Variants in OR6C70 observed in about 807,000 individuals in gnomAD.
OR6C70 encodes the protein olfactory receptor family 6 subfamily C member 70.
For synonymous variants in OR6C70, 157 were observed against 130.8 expected, an observed-to-expected ratio of 1.20 and a Z score of -1.36; for missense variants, 437 against 357.5, an observed-to-expected ratio of 1.22 and a Z score of -1.79.
At position 55,469,754 on chromosome 12, in the gene OR6C70, G is replaced by A. The variant is rs141132100; in HGVS notation, c.385C>T (p.Arg129Cys). The change falls in exon 1 of 1, where the codon CGT becomes TGT. Residue 129 changes from arginine (R) to cysteine (C), a missense_variant. By Grantham distance (180) the Arg-to-Cys change is radical. Coordinates refer to ENST00000327335, the MANE Select transcript of OR6C70 (RefSeq NM_001005499.1). ...TTGTTACTCATGATGGACATATAACGCAAAGGTTTGCAGATGGCAACATAG... is the reference window on the plus strand; with the variant it reads ...TTGTTACTCATGATGGACATATAACACAAAGGTTTGCAGATGGCAACATAG... ...DRYVAICKPL[R>C]YMSIMSNKVC... The A allele has an allele frequency of 1.5e-4, 236 of 1,614,026 alleles. No homozygotes were observed. Among genetic ancestry groups the A allele is most frequent in the South Asian group, 4.5e-4 (41 of 91,076 alleles).
rs747055169 is a variant in OR6C70 at position 55,469,205 on chromosome 12, T to G, written c.934A>C (p.Lys312Gln). Residue 312 changes from lysine (K) to glutamine (Q), a missense_variant, in exon 1 of 1, where the codon AAG becomes CAG. Transcript: ENST00000327335. ...VFRKIFSASD[K>Q] Reference sequence around the variant, plus strand: ...AATTATTTCAACAAGTTGTATTACTTGTCTGAAGCAGAAAATATCTTTCTA... The same window carrying G: ...AATTATTTCAACAAGTTGTATTACTGGTCTGAAGCAGAAAATATCTTTCTA... 5 of 1,579,758 alleles carry G rather than the reference T, an allele frequency of 3.2e-6. No individual in the cohort carries two copies. The African/African-American group carries it at 6.8e-5, about 21-fold the overall frequency.
In OR6C70 at chr12:55,470,018, A is replaced by G; in HGVS notation, c.121T>C (p.Phe41Leu). 3 of 1,613,970 alleles carry G rather than the reference A, an allele frequency of 1.9e-6. No individual in the cohort carries two copies. The highest frequency in any genetic ancestry group is 2.5e-6 in the Non-Finnish European group (3 of 1,179,846). The part of the protein sequence containing the change: ...LNCVLSMIGN[F>L]TIIALILLDS... Reference sequence around the variant, plus strand: ...AGCAGAATGAGGGCAATGATAGTGAAGTTCCCTATCATGCTCAACACACAA... The same window carrying G: ...AGCAGAATGAGGGCAATGATAGTGAGGTTCCCTATCATGCTCAACACACAA... Residue 41 changes from phenylalanine to leucine, a missense_variant, in exon 1 of 1, where the codon TTC becomes CTC. Transcript: ENST00000327335.
In OR6C70 at chr12:55,469,371, G is replaced by A. The variant is rs1871890965; in HGVS notation, c.768C>T (p.Ile256=). Residue 256 remains isoleucine (I), a synonymous_variant, in exon 1 of 1, where the codon ATC becomes ATT. Transcript: ENST00000327335. ...TTTCATTCGCTGATGGCTTTATGTA[G>A]ATAAACATACAACTACCATAAGTGA... ...VSITYGSCMF[I]YIKPSANERV... is the part of the protein sequence containing the mutation. 6.2e-7 allele frequency: 1 copy of A among 1,613,920 alleles called. No homozygotes were observed. The highest frequency in any genetic ancestry group is 8.5e-7 in the Non-Finnish European group (1 of 1,179,896).
chr12:55,470,104 A>G lies in OR6C70; in HGVS notation c.35T>C (p.Leu12Pro). 1 of 1,604,414 alleles carries G rather than the reference A, an allele frequency of 6.2e-7. No homozygotes were observed. The highest frequency in any genetic ancestry group is 8.5e-7 in the Non-Finnish European group (1 of 1,175,232). Reference protein sequence around the residue: ...KNHTRQIEFILLGLTDNSQLQ... With the variant: ...KNHTRQIEFIPLGLTDNSQLQ... ...CTGAGAATTATCCGTCAGTCCCAGAAGAATAAATTCTATCTGCCTTGTATG... is the reference window on the plus strand; with the variant it reads ...CTGAGAATTATCCGTCAGTCCCAGAGGAATAAATTCTATCTGCCTTGTATG... Residue 12 changes from leucine to proline, a missense_variant, in exon 1 of 1, where the codon CTT (leucine) becomes CCT (proline). Physicochemically the swap from Leu to Pro is moderately conservative, Grantham distance 98. Transcript: ENST00000327335.
Position 55,469,598 on chromosome 12 carries a change from G to C in OR6C70, c.541C>G (p.Leu181Val), listed in dbSNP as rs375271811. 4.3e-6 allele frequency: 7 copies of C among 1,613,770 alleles called. No homozygotes were observed. In the Middle Eastern group the frequency reaches 5.0e-4, roughly 114 times the overall value. Residue 181 changes from leucine to valine, a missense_variant, in exon 1 of 1, where the codon CTT (leucine) becomes GTT (valine). Leu to Val is a conservative substitution (Grantham distance 32, BLOSUM62 1). Transcript: ENST00000327335. ...TCTGAGCAAGAAAGTTGTAGGATAA[G>C]AGAAATGTCACAAATGAAATGATCA... is the stretch of plus-strand genomic sequence containing the variant. ...IIDHFICDIS[L>V]ILQLSCSDTH...
rs1230850831 is a variant in OR6C70, at chr12:55,469,846, T to G, written c.293A>C (p.Gln98Pro). Residue 98 changes from glutamine to proline, a missense_variant, in exon 1 of 1, where the codon CAG becomes CCG. By Grantham distance (76) the Gln-to-Pro change is moderately conservative (BLOSUM62 -1). Coordinates refer to ENST00000327335, the MANE Select transcript of OR6C70 (RefSeq NM_001005499.1). ...KTISCNGCISQLFFYIFLGVT... is the reference protein window; with the variant it reads ...KTISCNGCISPLFFYIFLGVT... ...CCCCAAGAATATGTAAAAAAACAACTGAGATATGCAACCATTACAGGAAAT... is the reference window on the plus strand; with the variant it reads ...CCCCAAGAATATGTAAAAAAACAACGGAGATATGCAACCATTACAGGAAAT... The G allele has an allele frequency of 1.2e-6, 2 of 1,613,942 alleles. No individual in the cohort carries two copies. Among genetic ancestry groups the G allele is most frequent in the East Asian group, 2.2e-5 (1 of 44,868 alleles).
At position 55,469,203 on chromosome 12, in the gene OR6C70, C is replaced by A. The variant is rs1871885358; in HGVS notation, c.936G>T (p.Lys312Asn). ...TTAATTATTTCAACAAGTTGTATTA[C>A]TTGTCTGAAGCAGAAAATATCTTTC... is the stretch of plus-strand genomic sequence containing the variant. ...VFRKIFSASD[K>N] is the part of the protein sequence containing the mutation. Residue 312 changes from lysine to asparagine, a missense_variant, in exon 1 of 1, where the codon AAG becomes AAT. Transcript: ENST00000327335. 6.3e-7 allele frequency: 1 copy of A among 1,576,410 alleles called. No individual in the cohort carries two copies. Among genetic ancestry groups the A allele is most frequent in the South Asian group, 1.1e-5 (1 of 88,818 alleles).
At position 55,469,912 on chromosome 12, in the gene OR6C70, A is replaced by G. The variant is rs1464025880; in HGVS notation, c.227T>C (p.Ile76Thr). ...AACAATGGTGATTAGGAATCTGGGA[A>G]TGCAAGCAGTTGTGAATGAAATTTC... is the stretch of plus-strand genomic sequence containing the variant. ...FLEISFTTAC[I>T]PRFLITIVTR... The change falls in exon 1 of 1, where the codon ATT becomes ACT. Residue 76 changes from isoleucine (I) to threonine (T), a missense_variant. By Grantham distance (89) the Ile-to-Thr change is moderately conservative. Coordinates refer to ENST00000327335, the MANE Select transcript of OR6C70 (RefSeq NM_001005499.1). 6.2e-7 allele frequency: 1 copy of G among 1,613,990 alleles called. No homozygotes were observed. The highest frequency in any genetic ancestry group is 8.5e-7 in the Non-Finnish European group (1 of 1,179,894).
Position 55,469,672 on chromosome 12 carries a change from G to C in OR6C70, c.467C>G (p.Thr156Ser). The C allele has an allele frequency of 6.2e-7, 1 of 1,613,940 alleles. No individual in the cohort carries two copies. The highest frequency in any genetic ancestry group is 8.5e-7 in the Non-Finnish European group (1 of 1,179,816). ...CAAGTTAAGACCTAAAATCAGTGGAGTGAAAATGATCAGGAATCCAGTTAC... is the reference window on the plus strand; with the variant it reads ...CAAGTTAAGACCTAAAATCAGTGGACTGAAAATGATCAGGAATCCAGTTAC... ...SWVTGFLIIF[T>S]PLILGLNLDF... Residue 156 changes from threonine (T) to serine (S), a missense_variant, in exon 1 of 1, where the codon ACT becomes AGT. Thr to Ser is a moderately conservative substitution (Grantham distance 58). Coordinates refer to ENST00000327335, the MANE Select transcript of OR6C70 (RefSeq NM_001005499.1).
rs111636907 is a variant in OR6C70, at chr12:55,469,328, C to A, written c.811G>T (p.Gly271Ter). 2.2e-3 allele frequency: 3,604 copies of A among 1,613,768 alleles called. 23 individuals are homozygous for A. Among genetic ancestry groups the A allele is most frequent in the South Asian group, 0.012 (1,112 of 91,068 alleles). ...ACTGAAGTATTGAGCACAGTTACTCCTTTGCTTAAAGCAACTCTTTCATTC... is the reference window on the plus strand; with the variant it reads ...ACTGAAGTATTGAGCACAGTTACTCATTTGCTTAAAGCAACTCTTTCATTC... ...SANERVALSK[G>*]VTVLNTSVAP... The change falls in exon 1 of 1, where the codon GGA becomes TGA. Residue 271 changes from glycine (G) to a stop codon, truncating the protein, a stop_gained. Transcript: ENST00000327335. LOFTEE classifies it low-confidence loss of function (END_TRUNC).
rs1161890655 is a variant in OR6C70 at position 55,469,325 on chromosome 12, C to A, written c.814G>T (p.Val272Leu). The change falls in exon 1 of 1, where the codon GTA becomes TTA. Residue 272 changes from valine to leucine, a missense_variant. Physicochemically the swap from Val to Leu is conservative, Grantham distance 32. Transcript: ENST00000327335. ...ANERVALSKG[V>L]TVLNTSVAPL... ...GCAACTGAAGTATTGAGCACAGTTA[C>A]TCCTTTGCTTAAAGCAACTCTTTCA... 2 of 1,613,430 alleles carry A rather than the reference C, an allele frequency of 1.2e-6. No homozygotes were observed. The highest frequency in any genetic ancestry group is 1.7e-6 in the Non-Finnish European group (2 of 1,179,630).
chr12:55,469,682 T>G lies in OR6C70; in HGVS notation c.457A>C (p.Ile153Leu). Residue 153 changes from isoleucine to leucine, a missense_variant, in exon 1 of 1, where the codon ATC becomes CTC. Ile to Leu is a conservative substitution (Grantham distance 5). Transcript: ENST00000327335. ...VFSSWVTGFL[I>L]IFTPLILGLN... Reference sequence around the variant, plus strand: ...CCTAAAATCAGTGGAGTGAAAATGATCAGGAATCCAGTTACCCAAGAACTG... The same window carrying G: ...CCTAAAATCAGTGGAGTGAAAATGAGCAGGAATCCAGTTACCCAAGAACTG... 1 of 1,613,944 alleles carries G rather than the reference T, an allele frequency of 6.2e-7. No individual in the cohort carries two copies. The highest frequency in any genetic ancestry group is 8.5e-7 in the Non-Finnish European group (1 of 1,179,852).
chr12:55,469,786 T>A lies in OR6C70; in HGVS notation c.353A>T (p.Tyr118Phe), dbSNP rs763987276. ...TEFFLLAALSYDRYVAICKPL... is the reference protein window; with the variant it reads ...TEFFLLAALSFDRYVAICKPL... Reference sequence around the variant, plus strand: ...TTTGCAGATGGCAACATAGCGATCATAGGACAGAGCAGCTAGAAGGAAAAA... The same window carrying A: ...TTTGCAGATGGCAACATAGCGATCAAAGGACAGAGCAGCTAGAAGGAAAAA... Residue 118 changes from tyrosine to phenylalanine, a missense_variant, in exon 1 of 1, where the codon TAT (tyrosine) becomes TTT (phenylalanine). Coordinates refer to ENST00000327335, the MANE Select transcript of OR6C70 (RefSeq NM_001005499.1). The A allele has an allele frequency of 1.2e-6, 2 of 1,613,910 alleles. No homozygotes were observed. Among genetic ancestry groups the A allele is most frequent in the African/African-American group, 2.7e-5 (2 of 74,908 alleles).
rs759268344 is a variant in OR6C70 at position 55,469,980 on chromosome 12, G to C, written c.159C>G (p.Leu53=). 2 of 1,613,962 alleles carry C rather than the reference G, an allele frequency of 1.2e-6. No individual in the cohort carries two copies. The highest frequency in any genetic ancestry group is 1.7e-6 in the Non-Finnish European group (2 of 1,179,982). Residue 53 remains leucine, a synonymous_variant, in exon 1 of 1, where the codon CTC becomes CTG. Transcript: ENST00000327335. ...IIALILLDSQ[L]KTPMYFFLRN... ...GGAGGAAGAAATACATTGGAGTCTT[G>C]AGCTGGGAATCCAGCAGAATGAGGG...
rs772873385 is a variant in OR6C70 at position 55,469,889 on chromosome 12, C to T, written c.250G>A (p.Val84Ile). ...ACIPRFLITI[V>I]TREKTISCNG... ...CAGGAAATGGTCTTTTCCCTGGTAA[C>T]AATGGTGATTAGGAATCTGGGAATG... Residue 84 changes from valine (V) to isoleucine (I), a missense_variant, in exon 1 of 1, where the codon GTT becomes ATT. Physicochemically the swap from Val to Ile is conservative, Grantham distance 29. Coordinates refer to ENST00000327335, the MANE Select transcript of OR6C70 (RefSeq NM_001005499.1). The T allele has an allele frequency of 1.4e-5, 22 of 1,613,748 alleles. No individual in the cohort carries two copies. The Admixed American group carries it at 2.2e-4, about 16-fold the overall frequency.
Position 55,469,786 on chromosome 12 carries a change from T to G in OR6C70, c.353A>C (p.Tyr118Ser). ...TEFFLLAALS[Y>S]DRYVAICKPL... ...TTTGCAGATGGCAACATAGCGATCA[T>G]AGGACAGAGCAGCTAGAAGGAAAAA... is the stretch of plus-strand genomic sequence containing the variant. The change falls in exon 1 of 1, where the codon TAT (tyrosine) becomes TCT (serine). Residue 118 changes from tyrosine to serine, a missense_variant. Physicochemically the swap from Tyr to Ser is moderately radical, Grantham distance 144. Transcript: ENST00000327335. 1.2e-6 allele frequency: 2 copies of G among 1,614,028 alleles called. No homozygotes were observed. The highest frequency in any genetic ancestry group is 1.7e-6 in the Non-Finnish European group (2 of 1,179,958).
Position 55,469,249 on chromosome 12 carries a change from T to G in OR6C70, c.890A>C (p.Gln297Pro). ...CTTTCTAAATACAGCTTTGAAGGCTTGTTTAACTTGCTGATTCCTCAGAGT... is the reference window on the plus strand; with the variant it reads ...CTTTCTAAATACAGCTTTGAAGGCTGGTTTAACTTGCTGATTCCTCAGAGT... The part of the protein sequence containing the change: ...IYTLRNQQVK[Q>P]AFKAVFRKIF... The change falls in exon 1 of 1, where the codon CAA (glutamine) becomes CCA (proline). Residue 297 changes from glutamine to proline, a missense_variant. By Grantham distance (76) the Gln-to-Pro change is moderately conservative. Transcript: ENST00000327335. 3.1e-6 allele frequency: 5 copies of G among 1,612,978 alleles called. No homozygotes were observed. The highest frequency in any genetic ancestry group is 3.4e-6 in the Non-Finnish European group (4 of 1,179,450).
Position 55,469,951 on chromosome 12 carries a change from T to C in OR6C70, c.188A>G (p.Asn63Ser). Residue 63 changes from asparagine (N) to serine (S), a missense_variant, in exon 1 of 1, where the codon AAT (asparagine) becomes AGT (serine). Transcript: ENST00000327335. ...LKTPMYFFLR[N>S]FSFLEISFTT... ...GAATGAAATTTCCAGAAAAGAGAAA[T>C]TACGGAGGAAGAAATACATTGGAGT... 6.2e-7 allele frequency: 1 copy of C among 1,613,636 alleles called. No individual in the cohort carries two copies. The highest frequency in any genetic ancestry group is 8.5e-7 in the Non-Finnish European group (1 of 1,179,840).
In OR6C70 at chr12:55,469,597, A is replaced by G. The variant is rs10747756; in HGVS notation, c.542T>C (p.Leu181Pro). The G allele has an allele frequency of 0.76, 1,219,959 of 1,612,270 alleles. 464,545 individuals are homozygous for G. Among genetic ancestry groups the G allele is most frequent in the African/African-American group, 0.94 (70,571 of 75,026 alleles). ...GTCTGAGCAAGAAAGTTGTAGGATA[A>G]GAGAAATGTCACAAATGAAATGATC... The part of the protein sequence containing the change: ...IIDHFICDIS[L>P]ILQLSCSDTH... The change falls in exon 1 of 1, where the codon CTT becomes CCT. Residue 181 changes from leucine to proline, a missense_variant. Leu to Pro is a moderately conservative substitution (Grantham distance 98). Coordinates refer to ENST00000327335, the MANE Select transcript of OR6C70 (RefSeq NM_001005499.1).
Sources: gnomAD v4.1 joint callset for allele counts on GRCh38, gnomAD v4.1.1 for gene constraint, MANE v1.5 for transcripts, NCBI Gene and HGNC (gene_info 2026-07-23, HGNC 2026-07-21) for gene names.